The following PARD3B variants were observed in gnomAD, a reference collection of about 807,000 sequenced individuals.
PARD3B encodes the protein par-3 family cell polarity regulator beta.
PARD3B carries 103 observed loss-of-function variants against 130.2 expected under a neutral mutation model. The observed-to-expected ratio is 0.79, with a 90% confidence interval of 0.67 to 0.93. The LOEUF (loss-of-function observed/expected upper bound fraction) is 0.93. Among genes scored for constraint, PARD3B ranks in the 40% least tolerant of loss-of-function variants. The pLI is 0.00. For synonymous variants in PARD3B, 583 were observed against 553.2 expected, an observed-to-expected ratio of 1.05 and a Z score of -0.76; for missense variants, 1,609 against 1,499.2, an observed-to-expected ratio of 1.07 and a Z score of -1.21.
chr2:205,300,654 C>T lies in PARD3B; in HGVS notation c.2310C>T (p.His770=), dbSNP rs1283083834. 1 of 1,613,984 alleles carries T rather than the reference C, an allele frequency of 6.2e-7. No individual in the cohort carries two copies. The highest frequency in any genetic ancestry group is 8.5e-7 in the Non-Finnish European group (1 of 1,180,026). Residue 770 remains histidine, a synonymous_variant, in exon 17 of 23, where the codon CAC becomes CAT. Transcript: ENST00000406610. This position sits in a 1 kb window ranked among gnomAD's most constrained non-coding sequence, Gnocchi z 4.1. The part of the protein sequence containing the change: ...NDLPFHRPRP[H]MVRGRGCNES... ...TTCCCTTTCACAGGCCCCGGCCGCA[C>T]ATGGTTCGAGGCCGAGGCTGCAATG...
chr2:205,200,465 T>G (rs962472782), intron 15 of PARD3B, among the ~76,000 whole-genome samples: 1 of 152,202 alleles, frequency 6.6e-6, no homozygotes, highest in Non-Finnish European at 1.5e-5. Context: ...GAAAAGGCAC[T>G]CTTCACAAAT....
At chr2:204,766,004 T>C (rs574509843) in intron 2 of PARD3B, among the ~76,000 whole-genome samples, 12 of 152,324 alleles carry the variant, frequency 7.9e-5, no homozygotes, top group African/African-American at 2.9e-4. Flanking sequence ...AGCAAATTAA[T>C]TTTAAAATTT....
intron 3 of PARD3B, among the ~76,000 whole-genome samples, chr2:204,990,631 G>T (rs1032116325): frequency 6.6e-6 from 1 of 152,054 alleles, no homozygotes; most frequent in East Asian, 1.9e-4. Context: ...GTATCTGTCT[G>T]TGTGTGTATG....
intron 20 of PARD3B, among the ~76,000 whole-genome samples, chr2:205,480,317 A>G (rs2049185054): frequency 6.6e-6 from 1 of 152,086 alleles, no homozygotes; most frequent in African/African-American, 2.4e-5. Flanking sequence ...GATGATTCCT[A>G]CTTGTAATTC....
intron 2 of PARD3B, among the ~76,000 whole-genome samples, chr2:204,921,967 A>G (rs2047698194): frequency 1.3e-5 from 2 of 152,052 alleles, no homozygotes; most frequent in Admixed American, 1.3e-4. Context: ...GTGGCATGGT[A>G]AGGAGGGAAG....
chr2:205,500,670 A>C (rs754881989), intron 21 of PARD3B, among the ~76,000 whole-genome samples: 5 of 152,218 alleles, frequency 3.3e-5, no homozygotes, highest in Non-Finnish European at 5.9e-5. Flanking sequence ...AGATGTACTT[A>C]ACTCTTCAGC....
chr2:205,338,520 A>G (rs2043401525), intron 18 of PARD3B, among the ~76,000 whole-genome samples: 1 of 152,194 alleles, frequency 6.6e-6, no homozygotes, highest in Non-Finnish European at 1.5e-5. Context: ...TCATGTCATA[A>G]TTTAACTAGC....
intron 1 of PARD3B, among the ~76,000 whole-genome samples, chr2:204,663,262 G>C (rs1051397919): frequency 6.6e-6 from 1 of 152,080 alleles, no homozygotes; most frequent in Admixed American, 6.6e-5. Context: ...AGCTAGCCTC[G>C]GCTTCCTGAG....
rs1303094698 is a variant in PARD3B, at chr2:205,116,199, A to T, written c.680+2622A>T. Among the ~76,000 whole-genome samples the T allele has an allele frequency of 6.6e-6, 1 of 152,228 alleles. No homozygotes were observed. The highest frequency in any genetic ancestry group is 1.9e-4 in the East Asian group (1 of 5,198). ...GCAACTTAATTTTATTCAGATTTTT[A>T]AAATCAATGTGGTTTTTGTGAATTA... On this transcript the variant is annotated intron_variant, in intron 6 of 22. Coordinates refer to ENST00000406610, the MANE Select transcript of PARD3B (RefSeq NM_001302769.2). This position sits in a 1 kb window ranked among gnomAD's most constrained non-coding sequence, Gnocchi z 4.5.
rs181741537 is a variant in PARD3B at position 204,799,835 on chromosome 2, T to C, written c.222+113553T>C. ...ACTGAGGGTTCCCCAAATGCAGATA[T>C]GGCTGCAGTGACTAAAGATTTATAT... On this transcript the variant is annotated intron_variant, in intron 2 of 22. Coordinates refer to ENST00000406610, the MANE Select transcript of PARD3B (RefSeq NM_001302769.2). The surrounding 1 kb of genome is among the most constrained non-coding windows in gnomAD (Gnocchi z 4.1). Among the ~76,000 whole-genome samples, 10 of 152,292 alleles carry C rather than the reference T, an allele frequency of 6.6e-5. No individual in the cohort carries two copies. Among genetic ancestry groups the C allele is most frequent in the Admixed American group, 2.0e-4 (3 of 15,304 alleles).
chr2:205,462,583 A>G (rs1215991882), intron 20 of PARD3B, among the ~76,000 whole-genome samples: 2 of 152,210 alleles, frequency 1.3e-5, no homozygotes, highest in East Asian at 1.9e-4. Flanking sequence ...CATGCCCACA[A>G]TGTTGTAAAC....
At chr2:204,789,006 T>C (rs997580809) in intron 2 of PARD3B, among the ~76,000 whole-genome samples, 10 of 152,204 alleles carry the variant, frequency 6.6e-5, no homozygotes, top group African/African-American at 2.4e-4. Context: ...CACTTGTTCC[T>C]GTTAGGCAGT....
At chr2:204,854,047 A>C (rs1559200412) in intron 2 of PARD3B, among the ~76,000 whole-genome samples, 1 of 152,146 alleles carries the variant, frequency 6.6e-6, no homozygotes, top group Non-Finnish European at 1.5e-5. Context: ...TGGTAGAGAG[A>C]GGAGCATTTG....
At chr2:205,453,909 A>G (rs2048186831) in intron 20 of PARD3B, among the ~76,000 whole-genome samples, 2 of 152,178 alleles carry the variant, frequency 1.3e-5, no homozygotes, top group Non-Finnish European at 2.9e-5. Flanking sequence ...GATTGCAGTC[A>G]AAAATGTTGG....
At chr2:205,035,798 C>CATATATATATAT (rs1167207296) in intron 3 of PARD3B, among the ~76,000 whole-genome samples, 1 of 18,896 alleles carries the variant, frequency 5.3e-5, no homozygotes, top group African/African-American at 1.3e-4. Context: ...AGATATATCT[C>CATATATATATAT]ATATATATAT....
In PARD3B at chr2:205,067,095, C is replaced by CTTTTTTTTT. The variant is rs10672449; in HGVS notation, c.504+19426_504+19434dup. On this transcript the variant is annotated intron_variant, in intron 4 of 22. Transcript: ENST00000406610. Reference sequence around the variant, plus strand: ...GCATCTTGCATCCACTTTTACTAGGCTTTTTTTTTTTTTTTTTTTTTTTTT... The same window carrying CTTTTTTTTT: ...GCATCTTGCATCCACTTTTACTAGGCTTTTTTTTTTTTTTTTTTTTTTTTTTTTTTTTTT... Among the ~76,000 whole-genome samples the CTTTTTTTTT allele has an allele frequency of 3.8e-3, 225 of 59,696 alleles. 25 individuals are homozygous for CTTTTTTTTT. The highest frequency in any genetic ancestry group is 4.1e-3 in the Non-Finnish European group (131 of 32,124). 39.2% of individuals were successfully genotyped at this position (59,696 alleles called of 152,430 possible). A position where few individuals can be genotyped will look rare whatever the true frequency, so the allele number is the denominator to read the frequency against.
intron 14 of PARD3B, among the ~76,000 whole-genome samples, chr2:205,190,916 A>G (rs1460190943): frequency 6.6e-6 from 1 of 152,084 alleles, no homozygotes; most frequent in Non-Finnish European, 1.5e-5. Flanking sequence ...AAATGAAAGT[A>G]TTGCTATTAG....
intron 4 of PARD3B, among the ~76,000 whole-genome samples, chr2:205,077,582 A>C (rs1398164718): frequency 6.6e-6 from 1 of 152,186 alleles, no homozygotes; most frequent in East Asian, 1.9e-4. Context: ...GAAGAAGCCA[A>C]AAATGCAGAG....
At chr2:205,398,355 G>A (rs902592300) in intron 18 of PARD3B, among the ~76,000 whole-genome samples, 14 of 152,004 alleles carry the variant, frequency 9.2e-5, no homozygotes, top group South Asian at 6.2e-4. Context: ...TCTCTTTTCC[G>A]TACTTCTGTA....
Sources: gnomAD v4.1 joint callset for allele counts (sites outside exome capture counted in the v4.1 genomes callset) on GRCh38, gnomAD v4.1.1 for gene constraint, Gnocchi (gnomAD v3.1) non-coding constraint, MANE v1.5 for transcripts, NCBI Gene and HGNC (gene_info 2026-07-23, HGNC 2026-07-21) for gene names.